Variants in FARP1 observed in about 807,000 individuals in gnomAD.
FARP1 encodes the protein FERM, ARH/RhoGEF and pleckstrin domain protein 1.
Under a neutral mutation model 128.8 loss-of-function variants are expected in FARP1, and 52 were observed. That is an observed-to-expected ratio of 0.40 (90% CI 0.32 to 0.51). The LOEUF (loss-of-function observed/expected upper bound fraction) is 0.51. Among genes scored for constraint, FARP1 ranks in the 20% least tolerant of loss-of-function variants. The probability of loss-of-function intolerance (pLI) is 0.45; values close to 1 mark genes in which losing one functional copy is unlikely to be tolerated. For synonymous variants in FARP1, 580 were observed against 551.8 expected, an observed-to-expected ratio of 1.05 and a Z score of -0.72; for missense variants, 1,333 against 1,367.9, an observed-to-expected ratio of 0.97 and a Z score of 0.40.
At chr13:98,313,984 C>T (rs1368138411) in intron 2 of FARP1, among the ~76,000 whole-genome samples, 4 of 152,188 alleles carry the variant, frequency 2.6e-5, no homozygotes, top group Admixed American at 1.3e-4. Flanking sequence ...GCTCACTCAC[C>T]GTTTGGCAGG....
At chr13:98,300,930 C>T (rs1206583036) in intron 2 of FARP1, among the ~76,000 whole-genome samples, 1 of 152,154 alleles carries the variant, frequency 6.6e-6, no homozygotes, top group Non-Finnish European at 1.5e-5. Flanking sequence ...AAAGCCCCTG[C>T]CTGGATGATC....
intron 2 of FARP1, among the ~76,000 whole-genome samples, chr13:98,222,564 T>G (rs1378404093): frequency 1.3e-5 from 2 of 151,950 alleles, no homozygotes; most frequent in African/African-American, 2.4e-5. Context: ...AAAGAGCCGT[T>G]AGGATAATAC....
intron 2 of FARP1, among the ~76,000 whole-genome samples, chr13:98,273,667 G>C (rs1884496070): frequency 6.6e-6 from 1 of 152,236 alleles, no homozygotes; most frequent in South Asian, 2.1e-4. Flanking sequence ...GTAAGCGTTT[G>C]TTGAAGTAAC....
In FARP1 at chr13:98,143,143, G is replaced by C. The variant is rs1875176253; in HGVS notation, c.-373G>C. 1 of 147,402 alleles carries C rather than the reference G, an allele frequency of 6.8e-6. No homozygotes were observed. Among genetic ancestry groups the C allele is most frequent in the African/African-American group, 2.4e-5 (1 of 40,890 alleles). The allele number at this position is 147,402 out of a possible 1,614,324, so 9.1% of individuals were successfully genotyped here. A position where few individuals can be genotyped will look rare whatever the true frequency, so the allele number is the denominator to read the frequency against. The stretch of plus-strand genomic sequence containing the variant: ...AGGCGGCGGGTCCGGCGCGGGCGCA[G>C]CGGTGCGGGCGCTCGGCTGGGGCGC... On this transcript the variant is annotated 5_prime_UTR_variant, in exon 1 of 27. Coordinates refer to ENST00000319562, the MANE Select transcript of FARP1 (RefSeq NM_005766.4).
chr13:98,409,633 G>T, intron 14 of FARP1, 108 bp downstream of exon 14: 1 of 1,028,216 alleles, frequency 9.7e-7, no homozygotes. Flanking sequence ...TACCATGTGA[G>T]CCATTTTCAA....
chr13:98,343,958 A>G, intron 3 of FARP1, 92 bp downstream of exon 3: 1 of 827,592 alleles, frequency 1.2e-6, no homozygotes, highest in Non-Finnish European at 2.1e-6. Context: ...TGTGAGTGAG[A>G]TATTTTCATG....
intron 17 of FARP1, among the ~76,000 whole-genome samples, chr13:98,427,878 G>A (rs1463538749): frequency 2.6e-5 from 4 of 152,170 alleles, no homozygotes; most frequent in African/African-American, 4.8e-5. Flanking sequence ...AGAGTCACTG[G>A]CAGCCTTTTT....
chr13:98,286,665 C>T (rs35175226), intron 2 of FARP1, among the ~76,000 whole-genome samples: 9,946 of 152,170 alleles, frequency 0.065, 376 homozygotes, highest in Non-Finnish European at 0.073. Flanking sequence ...TTATCAGCAG[C>T]GTGAAAATGG....
At chr13:98,224,544 A>G (rs867768664) in intron 2 of FARP1, among the ~76,000 whole-genome samples, 805 of 36,180 alleles carry the variant, frequency 0.022, 13 homozygotes, top group Non-Finnish European at 0.037. Context: ...AAAAAAAAAA[A>G]AGAAAAAAAA....
intron 2 of FARP1, among the ~76,000 whole-genome samples, chr13:98,320,313 C>T (rs568311735): frequency 5.3e-5 from 8 of 152,338 alleles, no homozygotes; most frequent in African/African-American, 1.4e-4. Flanking sequence ...CCCTACTCTC[C>T]GTACAATCTG....
intron 1 of FARP1, among the ~76,000 whole-genome samples, chr13:98,207,468 T>C (rs9554448): frequency 0.19 from 29,605 of 151,880 alleles, 4,139 homozygotes; most frequent in East Asian, 0.67. Flanking sequence ...GGAGAAGATA[T>C]CTGCAGGGAG....
chr13:98,404,829 G>T (rs1890914231), intron 13 of FARP1: 1 of 152,148 alleles, frequency 6.6e-6, no homozygotes, highest in South Asian at 2.1e-4. Context: ...AATGCAATCA[G>T]TAGTCTCATT....
chr13:98,436,297 C>T (rs1442376828), intron 19 of FARP1, among the ~76,000 whole-genome samples: 2 of 152,192 alleles, frequency 1.3e-5, no homozygotes, highest in Non-Finnish European at 2.9e-5. Flanking sequence ...TTCCCGCACA[C>T]ACTCCTTCCA....
At chr13:98,148,238 C>T (rs565277610) in intron 1 of FARP1, among the ~76,000 whole-genome samples, 3 of 152,058 alleles carry the variant, frequency 2.0e-5, no homozygotes, top group South Asian at 2.1e-4. Context: ...ATTAGCCAGG[C>T]GTGGTGGCGC....
At chr13:98,166,740 T>G (rs1193424838) in intron 1 of FARP1, among the ~76,000 whole-genome samples, 2 of 148,546 alleles carry the variant, frequency 1.3e-5, no homozygotes, top group African/African-American at 2.5e-5. Flanking sequence ...TTTTTTTTTT[T>G]GAAACAGGGT....
At chr13:98,268,045 C>A (rs192342736) in intron 2 of FARP1, among the ~76,000 whole-genome samples, 1 of 152,164 alleles carries the variant, frequency 6.6e-6, no homozygotes, top group Non-Finnish European at 1.5e-5. Context: ...ATTGTTCGAC[C>A]TCCAGAACTT....
intron 2 of FARP1, among the ~76,000 whole-genome samples, chr13:98,281,284 C>A (rs558668283): frequency 6.6e-6 from 1 of 151,748 alleles, no homozygotes; most frequent in African/African-American, 2.4e-5. Context: ...TCCCAGGAGG[C>A]GGAGGTTGCA....
At chr13:98,317,928 T>G (rs1016501290) in intron 2 of FARP1, among the ~76,000 whole-genome samples, 5 of 150,520 alleles carry the variant, frequency 3.3e-5, no homozygotes. Flanking sequence ...TCCTCTCTCC[T>G]TCCTTTCCTT....
At chr13:98,419,726 T>G (rs1209863851) in intron 16 of FARP1, among the ~76,000 whole-genome samples, 1 of 152,126 alleles carries the variant, frequency 6.6e-6, no homozygotes, top group Admixed American at 6.6e-5. Context: ...GTGGTATTGG[T>G]GTTGCAAGTG....
Sources: gnomAD v4.1 joint callset for allele counts (sites outside exome capture counted in the v4.1 genomes callset) on GRCh38, gnomAD v4.1.1 for gene constraint, MANE v1.5 for transcripts, NCBI Gene and HGNC (gene_info 2026-07-23, HGNC 2026-07-21) for gene names.